Variants in RBFOX2 observed in about 807,000 individuals in gnomAD.
The protein encoded by RBFOX2 is RNA binding protein fox-1 homolog 2.
In RBFOX2, 10 loss-of-function variants were observed where a neutral mutation model predicts 49.1. That is an observed-to-expected ratio of 0.20 (90% CI 0.13 to 0.35). RBFOX2 has a LOEUF of 0.35. Ranked by LOEUF, RBFOX2 falls within the 10% of genes least tolerant of loss-of-function variation. RBFOX2 has a pLI of 1.00. For synonymous variants in RBFOX2, 183 were observed against 187.4 expected (o/e 0.98, Z 0.19); for missense variants, 323 against 486.9 (o/e 0.66, Z 3.17).
chr22:35,744,350 G>A (rs1300770202), intron 11 of RBFOX2, 101 bp from the exon 14 acceptor site: 6 of 1,131,368 alleles, frequency 5.3e-6, no homozygotes, highest in Admixed American at 2.7e-5. Context: ...AGCCTGCTTC[G>A]AAGCCTCAAA....
chr22:35,759,674 C>A lies in RBFOX2; in HGVS notation c.887+214G>T, dbSNP rs1395539742. The stretch of plus-strand genomic sequence containing the variant: ...CCATTACCATGAGGGCTTAAGGTGG[C>A]CAAAATGAAGACTTATAATGAATTG... On this transcript the variant is annotated intron_variant, in intron 9 of 11. Coordinates refer to ENST00000405409, the Ensembl canonical transcript of RBFOX2. The surrounding 1 kb of genome is among the most constrained non-coding windows in gnomAD (Gnocchi z 4.6). Among the ~76,000 whole-genome samples, 3 of 152,052 alleles carry A rather than the reference C, an allele frequency of 2.0e-5. No homozygotes were observed. Among genetic ancestry groups the A allele is most frequent in the Non-Finnish European group, 1.5e-5 (1 of 68,010 alleles).
chr22:35,745,066 T>C (rs1210358648), intron 11 of RBFOX2, among the ~76,000 whole-genome samples: 1 of 152,238 alleles, frequency 6.6e-6, no homozygotes, highest in Non-Finnish European at 1.5e-5. Flanking sequence ...TATTACTTCC[T>C]TCCACAAATC....
chr22:35,806,160 A>G (rs575041788), intron 2 of RBFOX2, among the ~76,000 whole-genome samples: 2 of 152,314 alleles, frequency 1.3e-5, no homozygotes, highest in East Asian at 3.9e-4. Context: ...AGGTTCATCA[A>G]TGGTAACAGG....
chr22:35,916,336 T>C (rs975195819), intron 1 of RBFOX2, among the ~76,000 whole-genome samples: 3 of 152,124 alleles, frequency 2.0e-5, no homozygotes, highest in African/African-American at 7.2e-5. Flanking sequence ...GGCTGGAGTG[T>C]AGTGGCATGA....
intron 1 of RBFOX2, among the ~76,000 whole-genome samples, chr22:35,884,941 T>C (rs535592188): frequency 6.6e-5 from 10 of 152,082 alleles, no homozygotes; most frequent in Admixed American, 1.3e-4. Flanking sequence ...CCTCCTATCA[T>C]AGGAGGCACT....
upstream of RBFOX2, among the ~76,000 whole-genome samples, chr22:35,943,110 T>C (rs1383785174): frequency 6.6e-6 from 1 of 152,264 alleles, no homozygotes; most frequent in African/African-American, 2.4e-5. Context: ...CCAATACTTC[T>C]ACTACTTCAT....
At chr22:35,876,651 ATTTT>A (rs1432199910) in intron 1 of RBFOX2, among the ~76,000 whole-genome samples, 12 of 151,600 alleles carry the variant, frequency 7.9e-5, no homozygotes, top group Non-Finnish European at 1.3e-4. Context: ...CTAAAAATGC[ATTTT>A]TATTTCAGTT....
At chr22:35,928,633 A>G (rs2051971670) in intron 1 of RBFOX2, among the ~76,000 whole-genome samples, 1 of 152,210 alleles carries the variant, frequency 6.6e-6, no homozygotes, top group Non-Finnish European at 1.5e-5. Flanking sequence ...GTTTTCTTTT[A>G]TTGGAGAAGG....
At chr22:35,963,466 A>T (rs919837346), upstream of RBFOX2, among the ~76,000 whole-genome samples, 4 of 152,200 alleles carry the variant, frequency 2.6e-5, no homozygotes, top group Admixed American at 2.6e-4. Flanking sequence ...AGCACTAATA[A>T]TTATTAAGTA....
At chr22:35,879,694 A>T (rs112046967) in intron 1 of RBFOX2, among the ~76,000 whole-genome samples, 263 of 152,346 alleles carry the variant, frequency 1.7e-3, no homozygotes, top group African/African-American at 6.2e-3. Flanking sequence ...AGCGAAACAC[A>T]TCAGTGGATT....
chr22:35,798,243 G>A (rs777840532), intron 2 of RBFOX2, among the ~76,000 whole-genome samples: 1 of 152,156 alleles, frequency 6.6e-6, no homozygotes, highest in Non-Finnish European at 1.5e-5. Flanking sequence ...CCAAAGTGCT[G>A]GGATTACAGG....
intron 1 of RBFOX2, among the ~76,000 whole-genome samples, chr22:36,027,666 G>A (rs1226245277): frequency 1.3e-5 from 2 of 152,236 alleles, no homozygotes; most frequent in African/African-American, 2.4e-5. Context: ...GAGCACCACC[G>A]TGTCCCCATA....
chr22:35,840,110 T>G, intron 1 of RBFOX2: 1 of 1,534,600 alleles, frequency 6.5e-7, no homozygotes, highest in Non-Finnish European at 9.0e-7. Context: ...ATTAAAACTC[T>G]TCTTACTATA....
intron 1 of RBFOX2, among the ~76,000 whole-genome samples, chr22:35,969,569 GTCTCAAAAA>G (rs2056758388): frequency 6.6e-6 from 1 of 152,042 alleles, no homozygotes; most frequent in Non-Finnish European, 1.5e-5. Flanking sequence ...GGGAAACTTT[GTCTCAAAAA>G]AATAAAAGCA....
intron 1 of RBFOX2, among the ~76,000 whole-genome samples, chr22:35,904,506 T>C (rs1442856458): frequency 6.6e-6 from 1 of 152,170 alleles, no homozygotes; most frequent in Non-Finnish European, 1.5e-5. Context: ...GCTACTAATT[T>C]CACCCTAGTT....
chr22:35,828,611 A>C (rs980994072), intron 1 of RBFOX2, among the ~76,000 whole-genome samples: 5 of 152,212 alleles, frequency 3.3e-5, no homozygotes, highest in African/African-American at 1.2e-4. Context: ...CAGTGCCAAG[A>C]ATAATCCTGT....
intron 1 of RBFOX2, among the ~76,000 whole-genome samples, chr22:35,888,201 T>C (rs2046824521): frequency 6.6e-6 from 1 of 152,184 alleles, no homozygotes; most frequent in African/African-American, 2.4e-5. Flanking sequence ...ATACATCAAA[T>C]TTATGATCAC....
chr22:36,002,707 TC>T (rs1197086353), intron 1 of RBFOX2, among the ~76,000 whole-genome samples: 1 of 152,254 alleles, frequency 6.6e-6, no homozygotes. Context: ...CACAGCAACC[TC>T]TGCCTCCCAG....
rs1226308146 is a variant in RBFOX2 at position 35,752,726 on chromosome 22, C to A, written c.888-6165G>T. Reference sequence around the variant, plus strand: ...AAGGAAAACAATCATACAAAAAGCCCACTAAGGGGCCCACCAGCCTTTTCT... The same window carrying A: ...AAGGAAAACAATCATACAAAAAGCCAACTAAGGGGCCCACCAGCCTTTTCT... On this transcript the variant is annotated intron_variant, in intron 9 of 11. Transcript: ENST00000405409. 3 of 789,316 alleles carry A rather than the reference C, an allele frequency of 3.8e-6. No homozygotes were observed. The African/African-American group carries it at 5.6e-5, about 15-fold the overall frequency. 48.9% of individuals were successfully genotyped at this position (789,316 alleles called of 1,614,324 possible).
Sources: gnomAD v4.1 joint callset for allele counts (sites outside exome capture counted in the v4.1 genomes callset) on GRCh38, gnomAD v4.1.1 for gene constraint, Gnocchi (gnomAD v3.1) non-coding constraint, MANE v1.5 for transcripts, NCBI Gene and HGNC (gene_info 2026-07-23, HGNC 2026-07-21) for gene names.